PCDHA1: variants seen among roughly 807,000 people sequenced by gnomAD.
The protein encoded by PCDHA1 is protocadherin alpha 1.
Under a neutral mutation model 61.3 loss-of-function variants are expected in PCDHA1, and 42 were observed. That is an observed-to-expected ratio of 0.69 (90% CI 0.54 to 0.89). PCDHA1 has a LOEUF of 0.89. PCDHA1 is among the 40% of genes least tolerant of loss of function. The pLI is 0.00. For missense variants in PCDHA1, 1,256 were observed against 1,235.3 expected (o/e 1.02, Z -0.25); for synonymous variants, 610 against 553.8 (o/e 1.10, Z -1.43).
intron 1 of PCDHA1, among the ~76,000 whole-genome samples, chr5:140,946,628 A>ATATATATATATATATATATATATATATC (rs2093986423): frequency 7.4e-6 from 1 of 134,528 alleles, no homozygotes; most frequent in Non-Finnish European, 1.6e-5. Context: ...ATATATATAT[A>ATATATATATATATATATATATATATATC]TATACAATGG....
intron 1 of PCDHA1, chr5:140,884,056 G>C (rs782776341): frequency 6.2e-7 from 1 of 1,613,476 alleles, no homozygotes; most frequent in African/African-American, 1.3e-5. Context: ...AGGTGCGCGC[G>C]GTGGACGCCG....
rs782116961 is a variant in PCDHA1, at chr5:140,966,933, C to T, written c.2395-12016C>T. On this transcript the variant is annotated intron_variant, in intron 1 of 3. Transcript: ENST00000504120. ...GTGCCAGAGGAGCAGGCACCCGGCGCGCTCGTGGGCAACGTGGCTCGCGCG... is the reference window on the plus strand; with the variant it reads ...GTGCCAGAGGAGCAGGCACCCGGCGTGCTCGTGGGCAACGTGGCTCGCGCG... 2.5e-6 allele frequency: 4 copies of T among 1,603,904 alleles called. No individual in the cohort carries two copies. The highest frequency in any genetic ancestry group is 1.1e-5 in the South Asian group (1 of 90,778).
chr5:140,964,531 C>T (rs781961669), intron 1 of PCDHA1, among the ~76,000 whole-genome samples: 4 of 152,058 alleles, frequency 2.6e-5, no homozygotes, highest in Non-Finnish European at 5.9e-5. Context: ...CTCTGAGCTG[C>T]GTGCAGAGAT....
At chr5:140,994,394 T>G (rs1332946220) in intron 3 of PCDHA1, among the ~76,000 whole-genome samples, 3 of 152,110 alleles carry the variant, frequency 2.0e-5, no homozygotes, top group African/African-American at 7.2e-5. Flanking sequence ...AGTCAGAGAT[T>G]ATTTGACATT....
At chr5:140,809,794 A>G (rs1764545260) in intron 1 of PCDHA1, 3 of 458,452 alleles carry the variant, frequency 6.5e-6, no homozygotes, top group South Asian at 4.4e-5. Context: ...ACAGAACTGT[A>G]ATTTCTAGTA....
rs1554262808 is a variant in PCDHA1, at chr5:141,010,232, A to T, written c.*295A>T. On this transcript the variant is annotated 3_prime_UTR_variant, in exon 4 of 4. Coordinates refer to ENST00000504120, the MANE Select transcript of PCDHA1 (RefSeq NM_018900.4). ...AAAGGAGAGGCTTCCCAGCCCCGCC[A>T]GTGAGAGGTTGGACTCTCTGCCCTG... 6.4e-7 allele frequency: 1 copy of T among 1,551,952 alleles called. No homozygotes were observed. The highest frequency in any genetic ancestry group is 2.0e-5 in the Admixed American group (1 of 51,018).
chr5:140,999,854 C>T (rs1459226420), intron 3 of PCDHA1, among the ~76,000 whole-genome samples: 4 of 152,112 alleles, frequency 2.6e-5, no homozygotes, highest in Admixed American at 1.3e-4. Context: ...TTATCTCTTC[C>T]GCTCCAAGAT....
chr5:140,796,700 A>G, intron 1 of PCDHA1: 1 of 1,613,970 alleles, frequency 6.2e-7, no homozygotes. Context: ...GCAGTGAGTG[A>G]GCTGGTGCCG....
intron 1 of PCDHA1, chr5:140,808,944 G>T: frequency 1.2e-6 from 2 of 1,613,698 alleles, no homozygotes; most frequent in Non-Finnish European, 1.7e-6. Flanking sequence ...TGGTCGGTGG[G>T]TGTGGGCCAC....
At chr5:140,790,869 C>T (rs937675706) in intron 1 of PCDHA1, among the ~76,000 whole-genome samples, 12 of 151,998 alleles carry the variant, frequency 7.9e-5, no homozygotes, top group Non-Finnish European at 4.4e-5. Flanking sequence ...CGTAGGAGTA[C>T]AAAATTTGAA....
At chr5:140,821,890 A>G in intron 1 of PCDHA1, 7 of 1,614,240 alleles carry the variant, frequency 4.3e-6, no homozygotes, top group Non-Finnish European at 5.9e-6. Context: ...GGAGGAAGCC[A>G]AACACGGAAC....
intron 1 of PCDHA1, chr5:140,875,239 A>G (rs1008116554): frequency 1.1e-6 from 1 of 915,946 alleles, no homozygotes; most frequent in Non-Finnish European, 1.5e-6. Flanking sequence ...TCTTGTACTT[A>G]CATAATCAGT....
At chr5:140,983,165 T>A (rs947834633) in intron 3 of PCDHA1, among the ~76,000 whole-genome samples, 14 of 152,220 alleles carry the variant, frequency 9.2e-5, no homozygotes, top group Admixed American at 4.6e-4. Context: ...TTGCCAAACA[T>A]GACCGCCTCA....
intron 1 of PCDHA1, among the ~76,000 whole-genome samples, chr5:140,886,582 C>A (rs1304608793): frequency 6.6e-6 from 1 of 151,938 alleles, no homozygotes; most frequent in African/African-American, 2.4e-5. Flanking sequence ...AATCCCAGCA[C>A]TTTGGGAGGC....
chr5:140,985,643 A>C (rs564908892), intron 3 of PCDHA1, among the ~76,000 whole-genome samples: 10 of 151,298 alleles, frequency 6.6e-5, no homozygotes, highest in African/African-American at 1.9e-4. Context: ...TCATCCCAAC[A>C]CTTGCAATGG....
At chr5:140,927,946 G>T (rs1341193072) in intron 1 of PCDHA1, 1 of 1,614,096 alleles carries the variant, frequency 6.2e-7, no homozygotes, top group African/African-American at 1.3e-5. Context: ...AGTACCTGAG[G>T]ACGCTGCCCC....
rs185767188 is a variant in PCDHA1 at position 140,858,268 on chromosome 5, T to C, written c.2394+69584T>C. On this transcript the variant is annotated intron_variant, in intron 1 of 3. Transcript: ENST00000504120. ...CGGTGAAGCCCACGCTGGTGTGCTC[T>C]AGCGCGGTGGGGAGCTGGTCTTACT... The C allele has an allele frequency of 2.5e-3, 4,023 of 1,597,108 alleles. 314 individuals carry two copies. Among genetic ancestry groups the C allele is most frequent in the Middle Eastern group, 0.01 (61 of 5,954 alleles).
intron 1 of PCDHA1, among the ~76,000 whole-genome samples, chr5:140,799,950 A>G (rs1554121054): frequency 6.6e-6 from 1 of 152,094 alleles, no homozygotes; most frequent in African/African-American, 2.4e-5. Flanking sequence ...TATCTTTAGA[A>G]TGTTTTATTG....
chr5:140,860,800 C>G (rs1270356784), intron 1 of PCDHA1: 1 of 152,198 alleles, frequency 6.6e-6, no homozygotes, highest in East Asian at 1.9e-4. Flanking sequence ...TGCAGTGGCA[C>G]GATCTCGGCT....
Sources: gnomAD v4.1 joint callset for allele counts (sites outside exome capture counted in the v4.1 genomes callset) on GRCh38, gnomAD v4.1.1 for gene constraint, MANE v1.5 for transcripts, NCBI Gene and HGNC (gene_info 2026-07-23, HGNC 2026-07-21) for gene names.